The following SEMA6D variants were observed in gnomAD, a reference collection of about 807,000 sequenced individuals.
SEMA6D encodes the protein semaphorin 6D.
Under a neutral mutation model 106.6 loss-of-function variants are expected in SEMA6D, and 35 were observed. That is an observed-to-expected ratio of 0.33 (90% CI 0.25 to 0.44). SEMA6D has a LOEUF of 0.44. Ranked by LOEUF, SEMA6D falls within the 20% of genes least tolerant of loss-of-function variation. SEMA6D has a pLI of 1.00. For synonymous variants in SEMA6D, 499 were observed against 487.7 expected, an observed-to-expected ratio of 1.02 and a Z score of -0.31; for missense variants, 1,185 against 1,345.9, an observed-to-expected ratio of 0.88 and a Z score of 1.87.
chr15:47,363,442 T>C (rs749592609), intron 1 of SEMA6D, among the ~76,000 whole-genome samples: 1 of 152,182 alleles, frequency 6.6e-6, no homozygotes, highest in Non-Finnish European at 1.5e-5. Flanking sequence ...TTTGAAGAAT[T>C]TCAAGATGGT....
At chr15:47,337,905 A>G (rs146615683) in intron 1 of SEMA6D, among the ~76,000 whole-genome samples, 3 of 152,176 alleles carry the variant, frequency 2.0e-5, no homozygotes, top group African/African-American at 7.2e-5. Flanking sequence ...TATTCCCCAA[A>G]TCACCTCAAC....
At chr15:47,252,756 C>T (rs2033594329) in intron 1 of SEMA6D, among the ~76,000 whole-genome samples, 1 of 152,086 alleles carries the variant, frequency 6.6e-6, no homozygotes. Flanking sequence ...AATAGTATTC[C>T]ATTGTGTATA....
chr15:47,377,728 G>A (rs2039498630), intron 1 of SEMA6D, among the ~76,000 whole-genome samples: 1 of 152,112 alleles, frequency 6.6e-6, no homozygotes, highest in African/African-American at 2.4e-5. Context: ...CTGGAGTCTA[G>A]GAAGTAAGTG....
In SEMA6D at chr15:47,763,068, T is replaced by G. The variant is rs1185510070; in HGVS notation, c.711T>G (p.Phe237Leu). 1.9e-6 allele frequency: 3 copies of G among 1,612,716 alleles called. No individual in the cohort carries two copies. Among genetic ancestry groups the G allele is most frequent in the Non-Finnish European group, 2.5e-6 (3 of 1,179,300 alleles). The change falls in exon 9 of 19, where the codon TTT (phenylalanine) becomes TTG (leucine). Residue 237 changes from phenylalanine to leucine, a missense_variant. By Grantham distance (22) the Phe-to-Leu change is conservative. Transcript: ENST00000536845. ...IEYGNYVYFF[F>L]REIAVEHNNL... ...ATGGAAACTATGTCTATTTCTTCTT[T>G]CGAGAAATCGCTGTCGAACATAATA...
chr15:47,724,572 G>A (rs2079619357), intron 1 of SEMA6D, among the ~76,000 whole-genome samples: 1 of 152,074 alleles, frequency 6.6e-6, no homozygotes. Flanking sequence ...GACAGTGAGG[G>A]GTGGTGGGGG....
At chr15:47,299,736 G>A (rs1471709594) in intron 1 of SEMA6D, among the ~76,000 whole-genome samples, 3 of 152,128 alleles carry the variant, frequency 2.0e-5, no homozygotes, top group Admixed American at 2.0e-4. Flanking sequence ...TCAAAAAGCT[G>A]TTTTTCCCTT....
chr15:47,384,814 G>GT lies in SEMA6D; in HGVS notation c.-238-27548dup, dbSNP rs1168068495. ...TCAGAATTAACATTTGATTACTAAA[G>GT]TTTTTTTTTTTTTTTTTTTTTTTTT... On this transcript the variant is annotated intron_variant, in intron 1 of 19. Coordinates refer to the SEMA6D transcript ENST00000558014. Among the ~76,000 whole-genome samples, 623 of 65,694 alleles carry GT rather than the reference G, an allele frequency of 9.5e-3. 63 individuals carry two copies. Among genetic ancestry groups the GT allele is most frequent in the Non-Finnish European group, 0.014 (489 of 35,472 alleles). The allele number at this position is 65,694 out of a possible 152,430, so 43.1% of individuals were successfully genotyped here.
At chr15:47,317,024 A>G (rs8033852) in intron 1 of SEMA6D, among the ~76,000 whole-genome samples, 2,194 of 152,264 alleles carry the variant, frequency 0.014, 52 homozygotes, top group African/African-American at 0.05. Context: ...AGAATTCACT[A>G]GTGAATCTGT....
intron 4 of SEMA6D, among the ~76,000 whole-genome samples, chr15:47,613,652 A>AT (rs567690440): frequency 0.023 from 3,393 of 149,052 alleles, 58 homozygotes; most frequent in Admixed American, 0.033. Flanking sequence ...TTATTTTTTA[A>AT]TTTTTTTTTT....
chr15:47,483,018 GACAA>G (rs1026357558), intron 3 of SEMA6D, among the ~76,000 whole-genome samples: 2 of 152,090 alleles, frequency 1.3e-5, no homozygotes, highest in African/African-American at 2.4e-5. Flanking sequence ...CAATGGGAAA[GACAA>G]ACAATGAACA....
chr15:47,295,802 A>G (rs1252672686), intron 1 of SEMA6D, among the ~76,000 whole-genome samples: 8 of 152,214 alleles, frequency 5.3e-5, no homozygotes, highest in Non-Finnish European at 1.0e-4. Flanking sequence ...TTGGGAGCCA[A>G]ACCAAATGCC....
intron 1 of SEMA6D, among the ~76,000 whole-genome samples, chr15:47,383,032 C>G (rs1478209735): frequency 6.6e-6 from 1 of 152,218 alleles, no homozygotes; most frequent in Non-Finnish European, 1.5e-5. Flanking sequence ...TCCCAAAGTG[C>G]TGGGATTACA....
chr15:47,302,241 G>A (rs1005814900), intron 1 of SEMA6D, among the ~76,000 whole-genome samples: 3 of 152,084 alleles, frequency 2.0e-5, no homozygotes, highest in Admixed American at 6.6e-5. Context: ...TCCTATAGTC[G>A]TTTGCTGCCC....
intron 1 of SEMA6D, among the ~76,000 whole-genome samples, chr15:47,206,227 A>G (rs1199107121): frequency 6.6e-6 from 1 of 152,226 alleles, no homozygotes; most frequent in Non-Finnish European, 1.5e-5. Context: ...AAATCAATAT[A>G]AGGTAAAAAG....
At chr15:47,420,264 G>C (rs2041110116) in intron 2 of SEMA6D, among the ~76,000 whole-genome samples, 1 of 152,138 alleles carries the variant, frequency 6.6e-6, no homozygotes, top group South Asian at 2.1e-4. Flanking sequence ...GTAGAACATT[G>C]TATTATTGGG....
At chr15:47,436,529 G>GTA (rs894640779) in intron 2 of SEMA6D, among the ~76,000 whole-genome samples, 7 of 150,522 alleles carry the variant, frequency 4.7e-5, no homozygotes, top group South Asian at 2.1e-4. Context: ...ACTAATATAT[G>GTA]TATATATATA....
intron 4 of SEMA6D, among the ~76,000 whole-genome samples, chr15:47,665,865 C>G (rs748180486): frequency 1.3e-5 from 2 of 152,158 alleles, no homozygotes; most frequent in Non-Finnish European, 2.9e-5. Context: ...AATAACTAGT[C>G]AGCATTAGAT....
chr15:47,730,191 C>T (rs2080022475), intron 1 of SEMA6D: 6 of 1,539,822 alleles, frequency 3.9e-6, no homozygotes, highest in Admixed American at 1.7e-5. Flanking sequence ...TCGAGCTTGG[C>T]GATGCGAGCC....
chr15:47,492,774 C>G (rs1230882786), intron 3 of SEMA6D, among the ~76,000 whole-genome samples: 3 of 152,014 alleles, frequency 2.0e-5, no homozygotes, highest in Admixed American at 2.0e-4. Context: ...TAACCGCTGC[C>G]CCTTAAATGG....
Sources: gnomAD v4.1 joint callset for allele counts (sites outside exome capture counted in the v4.1 genomes callset) on GRCh38, gnomAD v4.1.1 for gene constraint, MANE v1.5 for transcripts, NCBI Gene and HGNC (gene_info 2026-07-23, HGNC 2026-07-21) for gene names.